SNPH: variants seen among roughly 807,000 people sequenced by gnomAD.
SNPH encodes syntaphilin.
In SNPH, 10 loss-of-function variants were observed where a neutral mutation model predicts 36.8. The ratio of observed to expected loss-of-function variants is 0.27; its 90% confidence interval spans 0.17 to 0.46. The LOEUF (loss-of-function observed/expected upper bound fraction) is 0.46, where lower values mean the gene tolerates loss of function less well. SNPH is among the 20% of genes least tolerant of loss of function. The pLI is 1.00. For synonymous variants in SNPH, 281 were observed against 312.2 expected, an observed-to-expected ratio of 0.90 and a Z score of 1.05; for missense variants, 622 against 744.0, an observed-to-expected ratio of 0.84 and a Z score of 1.91.
intron 2 of SNPH, among the ~76,000 whole-genome samples, chr20:1,281,428 G>A (rs2088220998): frequency 6.6e-6 from 1 of 152,170 alleles, no homozygotes; most frequent in African/African-American, 2.4e-5. Context: ...ACCTGACTTT[G>A]ACCTTAAATT....
At chr20:1,299,902 A>G (rs1281217377) in intron 5 of SNPH, among the ~76,000 whole-genome samples, 2 of 152,150 alleles carry the variant, frequency 1.3e-5, no homozygotes, top group Non-Finnish European at 1.5e-5. Flanking sequence ...GAGGAGTGAG[A>G]GTGCCAGGGC....
chr20:1,305,260 G>A lies in SNPH; in HGVS notation c.823G>A (p.Asp275Asn). ...PAVCGDRQPG[D>N]PSSGSAEDGA... Reference sequence around the variant, plus strand: ...TGTCTGTGGTGACCGCCAGCCGGGTGATCCCTCCAGCGGCTCTGCTGAGGA... The same window carrying A: ...TGTCTGTGGTGACCGCCAGCCGGGTAATCCCTCCAGCGGCTCTGCTGAGGA... The change falls in exon 7 of 7, where the codon GAT becomes AAT. Residue 275 changes from aspartate to asparagine, a missense_variant. Around this residue, in one of 3 missense-constraint regions of SNPH, gnomAD observed 379 missense variants for 427.9 expected, o/e 0.89. Transcript: ENST00000381867. The A allele has an allele frequency of 6.2e-7, 1 of 1,610,926 alleles. No individual in the cohort carries two copies. Among genetic ancestry groups the A allele is most frequent in the Non-Finnish European group, 8.5e-7 (1 of 1,179,804 alleles).
rs904673855 is a variant in SNPH at position 1,294,742 on chromosome 20, G to A, written c.-492-209G>A. Among the ~76,000 whole-genome samples the A allele has an allele frequency of 2.0e-5, 3 of 152,320 alleles. No homozygotes were observed. The East Asian group carries it at 5.8e-4, about 29-fold the overall frequency. On this transcript the variant is annotated intron_variant, in intron 2 of 6. Coordinates refer to ENST00000381867, the MANE Select transcript of SNPH (RefSeq NM_001318234.2). This position sits in a 1 kb window ranked among gnomAD's most constrained non-coding sequence, Gnocchi z 4.4. ...GCCCCGCCGCTGGCTGGGATGACCA[G>A]GCTCCGGGGAGGCCCTGACATGGGA...
At chr20:1,275,931 T>G (rs2088126176) in intron 2 of SNPH, among the ~76,000 whole-genome samples, 1 of 152,230 alleles carries the variant, frequency 6.6e-6, no homozygotes, top group South Asian at 2.1e-4. Flanking sequence ...TTCCTACTAC[T>G]ACTGCTATCT....
chr20:1,290,750 A>C (rs945400457), intron 2 of SNPH, among the ~76,000 whole-genome samples: 4 of 152,214 alleles, frequency 2.6e-5, no homozygotes, highest in African/African-American at 9.6e-5. Flanking sequence ...TCTATGTTTA[A>C]CTTTTCGAGG....
At chr20:1,278,967 T>G (rs1482941069) in intron 2 of SNPH, among the ~76,000 whole-genome samples, 1 of 152,284 alleles carries the variant, frequency 6.6e-6, no homozygotes, top group East Asian at 1.9e-4. Flanking sequence ...TTCATCTGTT[T>G]GTTGATGGAC....
At position 1,270,406 on chromosome 20, in the gene SNPH, G is replaced by A. The variant is rs146982774; in HGVS notation, c.-493+3646G>A. Reference sequence around the variant, plus strand: ...AGGGGAATGATCTTTCCTACTGAGTGGGTCAGGAAGGCTTTAGAGAGATGA... The same window carrying A: ...AGGGGAATGATCTTTCCTACTGAGTAGGTCAGGAAGGCTTTAGAGAGATGA... On this transcript the variant is annotated intron_variant, in intron 2 of 6. Transcript: ENST00000381867. 5.1e-4 allele frequency among the ~76,000 whole-genome samples: 78 copies of A among 152,178 alleles called. No homozygotes were observed. The East Asian group carries it at 0.01, about 20-fold the overall frequency.
intron 2 of SNPH, among the ~76,000 whole-genome samples, chr20:1,281,341 C>T (rs1164150868): frequency 2.0e-5 from 3 of 152,240 alleles, no homozygotes; most frequent in Non-Finnish European, 4.4e-5. Flanking sequence ...CCATACTTGG[C>T]AGAGCTCGTA....
intron 2 of SNPH, among the ~76,000 whole-genome samples, chr20:1,290,771 CTG>C (rs1306571440): frequency 6.6e-6 from 1 of 152,220 alleles, no homozygotes; most frequent in Non-Finnish European, 1.5e-5. Flanking sequence ...AACCACCAAA[CTG>C]TTTTCCATAG....
At chr20:1,278,070 ATCTG>A in intron 2 of SNPH, among the ~76,000 whole-genome samples, 1 of 68,280 alleles carries the variant, frequency 1.5e-5, no homozygotes, top group African/African-American at 6.9e-5. Context: ...CTGTGTGTGT[ATCTG>A]TGTGTGTCTC....
At chr20:1,269,751 A>G (rs1352841064) in intron 2 of SNPH, among the ~76,000 whole-genome samples, 1 of 152,120 alleles carries the variant, frequency 6.6e-6, no homozygotes, top group Non-Finnish European at 1.5e-5. Context: ...ACCGAGGATA[A>G]TGGTTAGGCC....
rs750660876 is a variant in SNPH at position 1,305,324 on chromosome 20, T to G, written c.887T>G (p.Leu296Arg). The change falls in exon 7 of 7, where the codon CTG (leucine) becomes CGG (arginine). Residue 296 changes from leucine to arginine, a missense_variant. By Grantham distance (102) the Leu-to-Arg change is moderately radical. This residue lies in a region of SNPH where 379 missense variants were observed against 427.9 expected (regional missense o/e 0.89). Coordinates refer to ENST00000381867, the MANE Select transcript of SNPH (RefSeq NM_001318234.2). The stretch of plus-strand genomic sequence containing the variant: ...GGCTTTGCAGCAGCCGATGACACAC[T>G]GAGCCGGACGGACGCGCTGGAAGCC... ...DSGFAAADDT[L>R]SRTDALEASS... is the part of the protein sequence containing the mutation. 1.9e-6 allele frequency: 3 copies of G among 1,610,712 alleles called. No individual in the cohort carries two copies. In the South Asian group the frequency reaches 3.3e-5, roughly 18 times the overall value.
intron 2 of SNPH, among the ~76,000 whole-genome samples, chr20:1,291,086 G>A (rs970847221): frequency 6.6e-6 from 1 of 152,252 alleles, no homozygotes; most frequent in African/African-American, 2.4e-5. Flanking sequence ...CCTCTTGGGT[G>A]GTTTGAAGAC....
intron 2 of SNPH, among the ~76,000 whole-genome samples, chr20:1,275,839 C>T (rs145148539): frequency 2.4e-4 from 36 of 152,306 alleles, no homozygotes; most frequent in African/African-American, 8.2e-4. Flanking sequence ...TGTTCTACCC[C>T]AAGTCAGCAG....
intron 5 of SNPH, among the ~76,000 whole-genome samples, chr20:1,297,850 T>C (rs2088459110): frequency 6.6e-6 from 1 of 152,160 alleles, no homozygotes; most frequent in Non-Finnish European, 1.5e-5. Flanking sequence ...AAGATGAGTA[T>C]TGGGAAGCAG....
At chr20:1,271,319 A>G (rs1247689210) in intron 2 of SNPH, among the ~76,000 whole-genome samples, 2 of 152,184 alleles carry the variant, frequency 1.3e-5, no homozygotes, top group African/African-American at 2.4e-5. Context: ...GTGGCTAACA[A>G]TTCAGAAACT....
At chr20:1,291,956 G>A (rs1356173456) in intron 2 of SNPH, among the ~76,000 whole-genome samples, 1 of 152,158 alleles carries the variant, frequency 6.6e-6, no homozygotes, top group Admixed American at 6.5e-5. Context: ...AGTAATGAAG[G>A]AGAAAGAAGC....
intron 2 of SNPH, among the ~76,000 whole-genome samples, chr20:1,278,186 C>G (rs369629324): frequency 5.4e-4 from 79 of 147,192 alleles, no homozygotes; most frequent in African/African-American, 2.0e-3. Flanking sequence ...GTGTGTGTAT[C>G]TGTGTCTCTG....
Position 1,304,349 on chromosome 20 carries a change from T to C in SNPH, c.441-529T>C, listed in dbSNP as rs543176828. On this transcript the variant is annotated intron_variant, in intron 6 of 6. Transcript: ENST00000381867. This position sits in a 1 kb window ranked among gnomAD's most constrained non-coding sequence, Gnocchi z 4.3. ...CTCCCCCAACATTGAAAGCTGTCAT[T>C]TCTCTCCCCTGGGGTCTCTGGCCAA... Among the ~76,000 whole-genome samples the C allele has an allele frequency of 6.6e-6, 1 of 152,240 alleles. No individual in the cohort carries two copies. The highest frequency in any genetic ancestry group is 2.1e-4 in the South Asian group (1 of 4,818).
Sources: allele counts gnomAD v4.1 joint callset (sites outside exome capture counted in the v4.1 genomes callset), GRCh38; gene constraint gnomAD v4.1.1; regional missense constraint gnomAD v4.1.1; non-coding constraint Gnocchi (gnomAD v3.1); transcripts MANE v1.5; gene names NCBI Gene and HGNC (gene_info 2026-07-23, HGNC 2026-07-21).